The following CEP112 variants were observed in gnomAD, a reference collection of about 807,000 sequenced individuals.
CEP112 encodes the protein centrosomal protein 112.
Under a neutral mutation model 153.0 loss-of-function variants are expected in CEP112, and 127 were observed. The observed-to-expected ratio is 0.83, with a 90% CI of 0.72 to 0.96. The LOEUF is 0.96. Among genes scored for constraint, CEP112 ranks in the 40% least tolerant of loss-of-function variants. The pLI, the probability that CEP112 is intolerant of heterozygous loss-of-function variation, is 0.00. For synonymous variants in CEP112, 358 were observed against 374.4 expected (o/e 0.96, Z 0.51); for missense variants, 1,089 against 1,101.2 (o/e 0.99, Z 0.16).
intron 1 of CEP112, among the ~76,000 whole-genome samples, chr17:66,188,275 CCACACACACAAACACACACACACA>C (rs1179522106): frequency 8.3e-6 from 1 of 120,660 alleles, no homozygotes; most frequent in Non-Finnish European, 1.8e-5. Flanking sequence ...GTCTCTCACA[CCACACACACAAACACACACACACA>C]CACACACACA....
intron 6 of CEP112, among the ~76,000 whole-genome samples, chr17:66,120,249 G>A (rs1268660334): frequency 6.6e-6 from 1 of 152,064 alleles, no homozygotes; most frequent in Admixed American, 6.6e-5. Flanking sequence ...CGCCCAGGCT[G>A]GAGTGCAGTG....
chr17:65,986,112 G>T (rs923450388), intron 17 of CEP112, among the ~76,000 whole-genome samples: 3 of 151,928 alleles, frequency 2.0e-5, no homozygotes, highest in African/African-American at 7.3e-5. Flanking sequence ...ATGATATCTG[G>T]CTAACATCTC....
In CEP112 at chr17:66,069,928, G is replaced by A; in HGVS notation, c.842C>T (p.Ala281Val). ...EKLKLQQKHDADVQKILERKN... is the reference protein window; with the variant it reads ...EKLKLQQKHDVDVQKILERKN... ...TATATATCCTACCTTCTGAACATCA[G>A]CATCATGTTTCTGTTGCAGTTTAAG... Residue 281 changes from alanine to valine, a missense_variant, in exon 9 of 27, where the codon GCT (alanine) becomes GTT (valine). Coordinates refer to ENST00000535342, the MANE Select transcript of CEP112 (RefSeq NM_001199165.4). 6.3e-7 allele frequency: 1 copy of A among 1,595,132 alleles called. No homozygotes were observed. Among genetic ancestry groups the A allele is most frequent in the South Asian group, 1.1e-5 (1 of 89,554 alleles).
At chr17:66,185,171 T>C (rs2072875952) in intron 1 of CEP112, among the ~76,000 whole-genome samples, 1 of 148,890 alleles carries the variant, frequency 6.7e-6, no homozygotes, top group African/African-American at 2.4e-5. Flanking sequence ...TATAAGAACC[T>C]ACAGTGGCAA....
chr17:65,977,630 C>T (rs2063084116), intron 17 of CEP112, among the ~76,000 whole-genome samples: 1 of 152,110 alleles, frequency 6.6e-6, no homozygotes, highest in African/African-American at 2.4e-5. Flanking sequence ...GGGCAGATTC[C>T]CCAATGTGGG....
At chr17:66,183,853 T>C (rs2072819309) in intron 1 of CEP112, among the ~76,000 whole-genome samples, 1 of 152,076 alleles carries the variant, frequency 6.6e-6, no homozygotes, top group Admixed American at 6.5e-5. Flanking sequence ...AGTGTAAAAA[T>C]GTAAAACTAT....
intron 20 of CEP112, among the ~76,000 whole-genome samples, chr17:65,868,728 C>T (rs556250614): frequency 6.6e-6 from 1 of 152,126 alleles, no homozygotes; most frequent in East Asian, 1.9e-4. Context: ...ATGCATACAA[C>T]TATATATATG....
intron 17 of CEP112, among the ~76,000 whole-genome samples, chr17:65,987,353 T>C (rs1199864241): frequency 2.6e-5 from 4 of 151,976 alleles, no homozygotes. Context: ...AACCATCCCA[T>C]ATACTCAGAG....
intron 21 of CEP112, among the ~76,000 whole-genome samples, chr17:65,759,666 A>G (rs997165725): frequency 3.9e-5 from 6 of 152,166 alleles, no homozygotes; most frequent in African/African-American, 1.4e-4. Flanking sequence ...AAAACAAAGG[A>G]GAAACTGTTT....
At chr17:66,117,377 C>A (rs2069349462) in intron 6 of CEP112, among the ~76,000 whole-genome samples, 1 of 151,980 alleles carries the variant, frequency 6.6e-6, no homozygotes, top group South Asian at 2.1e-4. Flanking sequence ...CAAATAATTT[C>A]TTTCTTTTTC....
At chr17:65,837,652 G>A (rs2057369279) in intron 21 of CEP112, among the ~76,000 whole-genome samples, 1 of 152,206 alleles carries the variant, frequency 6.6e-6, no homozygotes, top group South Asian at 2.1e-4. Context: ...TAGAAAAGGG[G>A]GAAATGTGGG....
chr17:66,062,914 T>C (rs1353935064), intron 11 of CEP112, 49 bp downstream of exon 11: 2 of 907,658 alleles, frequency 2.2e-6, no homozygotes, highest in African/African-American at 3.4e-5. Flanking sequence ...AATATGTTAC[T>C]TGGAAGCATA....
At chr17:65,654,056 C>CAAAAAAAAAAAAAAAAAAAAAAAAA (rs773433478) in intron 24 of CEP112, among the ~76,000 whole-genome samples, 13 of 26,882 alleles carry the variant, frequency 4.8e-4, no homozygotes, top group African/African-American at 1.1e-3. Flanking sequence ...AAGACTCCAT[C>CAAAAAAAAAAAAAAAAAAAAAAAAA]AAAAAAAAAA....
At chr17:66,013,119 A>G (rs1022988525) in intron 16 of CEP112, among the ~76,000 whole-genome samples, 10 of 121,734 alleles carry the variant, frequency 8.2e-5, no homozygotes, top group Admixed American at 7.4e-4. Context: ...TTCATATCCT[A>G]TATTATTTTA....
chr17:65,641,029 T>C lies in CEP112; in HGVS notation c.2734A>G (p.Lys912Glu), dbSNP rs984236926. 5 of 1,610,974 alleles carry C rather than the reference T, an allele frequency of 3.1e-6. No individual in the cohort carries two copies. The highest frequency in any genetic ancestry group is 4.2e-6 in the Non-Finnish European group (5 of 1,177,288). ...YIRQEYETKL[K>E]GLMPASLRQE... Reference sequence around the variant, plus strand: ...CTTAGGGATGCTGGCATCAATCCTTTCAATTTTGTTTCATATTCTTGTCGT... The same window carrying C: ...CTTAGGGATGCTGGCATCAATCCTTCCAATTTTGTTTCATATTCTTGTCGT... The change falls in exon 25 of 27, where the codon AAA (lysine) becomes GAA (glutamate). Residue 912 changes from lysine to glutamate, a missense_variant. Lys to Glu is a moderately conservative substitution (Grantham distance 56). Coordinates refer to ENST00000535342, the MANE Select transcript of CEP112 (RefSeq NM_001199165.4).
Position 65,693,059 on chromosome 17 carries a change from TA to T in CEP112, c.2608-3842del, listed in dbSNP as rs374323898. ...CACATATCATAATGATAATAATTGA[TA>T]ATATATTATCTGGTTTCTGCTACAA... On this transcript the variant is annotated intron_variant, in intron 23 of 26. Transcript: ENST00000535342. Among the ~76,000 whole-genome samples the T allele has an allele frequency of 1.3e-3, 203 of 152,324 alleles. 1 individual carries two copies. The East Asian group carries it at 0.016, about 12-fold the overall frequency.
chr17:66,106,580 A>C (rs561090383), intron 6 of CEP112, among the ~76,000 whole-genome samples: 27 of 152,240 alleles, frequency 1.8e-4, no homozygotes, highest in Middle Eastern at 3.4e-3. Context: ...ACAACCTACC[A>C]AGAGTGAATA....
intron 21 of CEP112, among the ~76,000 whole-genome samples, chr17:65,806,009 C>T (rs2055576651): frequency 6.6e-6 from 1 of 152,094 alleles, no homozygotes; most frequent in Non-Finnish European, 1.5e-5. Flanking sequence ...TTATTTTGTC[C>T]TATTCTGTTT....
At chr17:65,710,395 T>C (rs2144703093) in intron 23 of CEP112, among the ~76,000 whole-genome samples, 1 of 152,340 alleles carries the variant, frequency 6.6e-6, no homozygotes, top group East Asian at 1.9e-4. Context: ...ATTTTCTTAT[T>C]AATTTTTATC....
Sources: gnomAD v4.1 joint callset for allele counts (sites outside exome capture counted in the v4.1 genomes callset) on GRCh38, gnomAD v4.1.1 for gene constraint, MANE v1.5 for transcripts, NCBI Gene and HGNC (gene_info 2026-07-23, HGNC 2026-07-21) for gene names.